The following TMTC3 variants were observed in gnomAD, a reference collection of about 807,000 sequenced individuals.
TMTC3 encodes protein O-mannosyl-transferase TMTC3.
In TMTC3, 52 loss-of-function variants were observed where a neutral mutation model predicts 92.2. That is an observed-to-expected ratio of 0.56 (90% confidence interval 0.45 to 0.71). The LOEUF is 0.71. Ranked by LOEUF, TMTC3 falls within the 30% of genes least tolerant of loss-of-function variation. The pLI is 0.00. For synonymous variants in TMTC3, 339 were observed against 363.3 expected (o/e 0.93, Z 0.76); for missense variants, 896 against 1,057.1 (o/e 0.85, Z 2.11).
chr12:88,164,589 C>T (rs2041122044), intron 6 of TMTC3, among the ~76,000 whole-genome samples: 1 of 152,130 alleles, frequency 6.6e-6, no homozygotes, highest in African/African-American at 2.4e-5. Context: ...TTTAAGTCTG[C>T]ATATCATATT....
rs1471024855 is a variant in TMTC3 at position 88,198,388 on chromosome 12, G to C, written c.*2739G>C. The C allele has an allele frequency of 5.0e-6, 2 of 397,956 alleles. No individual in the cohort carries two copies. Among genetic ancestry groups the C allele is most frequent in the African/African-American group, 4.1e-5 (2 of 48,582 alleles). 24.7% of individuals were successfully genotyped at this position (397,956 alleles called of 1,614,324 possible). On this transcript the variant is annotated 3_prime_UTR_variant, in exon 14 of 14. Transcript: ENST00000266712. ...TTCTCACTGTCTCAAAAGAGAATCAGCTCTCCAGCAGTTCTAGAAAAGCTT... is the reference window on the plus strand; with the variant it reads ...TTCTCACTGTCTCAAAAGAGAATCACCTCTCCAGCAGTTCTAGAAAAGCTT...
intron 4 of TMTC3, among the ~76,000 whole-genome samples, chr12:88,156,554 C>G (rs1183473417): frequency 6.6e-6 from 1 of 152,174 alleles, no homozygotes; most frequent in Non-Finnish European, 1.5e-5. Context: ...TAAAAAATAT[C>G]TACCTCTTAC....
Position 88,199,271 on chromosome 12 carries a change from A to AACTT in TMTC3, c.*3624_*3627dup, listed in dbSNP as rs1321020319. 2.6e-5 allele frequency: 4 copies of AACTT among 152,030 alleles called. No individual in the cohort carries two copies. The highest frequency in any genetic ancestry group is 4.8e-5 in the African/African-American group (2 of 41,420). The allele number at this position is 152,030 out of a possible 1,614,324, so 9.4% of individuals were successfully genotyped here. A position where few individuals can be genotyped will look rare whatever the true frequency, so the allele number is the denominator to read the frequency against. ...ATGTGCCTGGTATTGCCTCTGGCAT[A>AACTT]ACTTAGAGGAAATTGTTCTACCTAT... On this transcript the variant is annotated 3_prime_UTR_variant, in exon 14 of 14. Transcript: ENST00000266712.
chr12:88,167,700 A>G (rs2041161373), intron 7 of TMTC3, among the ~76,000 whole-genome samples: 2 of 152,224 alleles, frequency 1.3e-5, no homozygotes, highest in African/African-American at 4.8e-5. Context: ...GATACAGAGT[A>G]GATTTAAAGA....
chr12:88,194,398 G>A (rs1355335031), intron 13 of TMTC3, among the ~76,000 whole-genome samples: 4 of 151,994 alleles, frequency 2.6e-5, no homozygotes, highest in African/African-American at 7.2e-5. Flanking sequence ...ACATTTTTTC[G>A]ATATACAACA....
chr12:88,176,408 G>C, intron 10 of TMTC3, 89 bp downstream of exon 10: 2 of 916,978 alleles, frequency 2.2e-6, no homozygotes, highest in Non-Finnish European at 3.3e-6. Flanking sequence ...TTATTTACTA[G>C]CTTTATTCTG....
At chr12:88,155,470 C>T (rs1405367634) in intron 4 of TMTC3, among the ~76,000 whole-genome samples, 1 of 152,154 alleles carries the variant, frequency 6.6e-6, no homozygotes, top group Non-Finnish European at 1.5e-5. Flanking sequence ...ATCAGGCTCT[C>T]AATTACCTGT....
In TMTC3 at chr12:88,176,357, T is replaced by C. The variant is rs769345822; in HGVS notation, c.1432+38T>C. The C allele has an allele frequency of 5.6e-6, 8 of 1,441,056 alleles. No homozygotes were observed. The East Asian group carries it at 2.0e-4, about 35-fold the overall frequency. 89.3% of individuals were successfully genotyped at this position (1,441,056 alleles called of 1,614,324 possible). ...AACTAATAAAATCATGAATTTTATT[T>C]TTTAAAAAGTTTTGATTATCCTTGG... On this transcript the variant is annotated intron_variant, in intron 10 of 13. Transcript: ENST00000266712.
chr12:88,174,569 G>A (rs1423613708), intron 8 of TMTC3, 38 bp from the exon 9 acceptor site: 2 of 1,586,274 alleles, frequency 1.3e-6, no homozygotes, highest in Non-Finnish European at 1.7e-6. Context: ...TGGTGATGAA[G>A]ACAATTTTTT....
intron 4 of TMTC3, 114 bp from the exon 5 acceptor site, chr12:88,160,000 A>G: frequency 1.6e-6 from 1 of 607,198 alleles, no homozygotes; most frequent in Non-Finnish European, 2.8e-6. Context: ...ATGTACTACT[A>G]ATTAATGAGA....
In TMTC3 at chr12:88,172,560, T is replaced by C; in HGVS notation, c.1051-37T>C. ...AATTTATTATAAATTATTTTAAATT[T>C]ATTATAAATTATTAAATCTTCTTTT... On this transcript the variant is annotated intron_variant, in intron 7 of 13. Transcript: ENST00000266712. 4 of 1,154,068 alleles carry C rather than the reference T, an allele frequency of 3.5e-6. 1 individual carries two copies. In the South Asian group the frequency reaches 1.3e-4, roughly 37 times the overall value. 71.5% of individuals were successfully genotyped at this position (1,154,068 alleles called of 1,614,324 possible). A position where few individuals can be genotyped will look rare whatever the true frequency, so the allele number is the denominator to read the frequency against.
intron 10 of TMTC3, 68 bp from the exon 11 acceptor site, chr12:88,188,775 C>T (rs1347437243): frequency 2.7e-6 from 2 of 727,826 alleles, no homozygotes; most frequent in Non-Finnish European, 4.5e-6. Context: ...TACATTTAAT[C>T]ATTTCATTGA....
chr12:88,174,534 T>A, intron 8 of TMTC3, 73 bp from the exon 9 acceptor site: 2 of 1,505,090 alleles, frequency 1.3e-6, no homozygotes. Flanking sequence ...ACTTCTTACC[T>A]CTGTTCTAAA....
intron 6 of TMTC3, among the ~76,000 whole-genome samples, chr12:88,165,384 AG>A (rs1280759495): frequency 4.6e-5 from 7 of 152,122 alleles, no homozygotes; most frequent in Admixed American, 4.6e-4. Flanking sequence ...TGAGAATTCA[AG>A]TTCAGACTCA....
chr12:88,154,213 A>T (rs1490654952), intron 3 of TMTC3, 75 bp from the exon 4 acceptor site: 1 of 1,056,206 alleles, frequency 9.5e-7, no homozygotes, highest in Non-Finnish European at 1.4e-6. Context: ...AAATTAAAGT[A>T]TTTTTACCAT....
rs1257613889 is a variant in TMTC3 at position 88,176,276 on chromosome 12, G to T, written c.1389G>T (p.Glu463Asp). The T allele has an allele frequency of 3.1e-6, 5 of 1,612,214 alleles. No homozygotes were observed. The highest frequency in any genetic ancestry group is 4.2e-6 in the Non-Finnish European group (5 of 1,179,124). Residue 463 changes from glutamate to aspartate, a missense_variant, in exon 10 of 14, where the codon GAG (glutamate) becomes GAT (aspartate). Transcript: ENST00000266712. ...GHALENEKNFERALKYFLQAT... is the reference protein window; with the variant it reads ...GHALENEKNFDRALKYFLQAT... The stretch of plus-strand genomic sequence containing the variant: ...CTCTGGAAAATGAAAAGAACTTTGA[G>T]AGAGCTTTGAAATACTTCTTACAGG...
chr12:88,162,985 G>C (rs914683814), intron 6 of TMTC3, among the ~76,000 whole-genome samples: 1 of 150,240 alleles, frequency 6.7e-6, no homozygotes, highest in Admixed American at 6.6e-5. Flanking sequence ...GCGCAATCTC[G>C]GCTCACCGCA....
intron 9 of TMTC3, 73 bp from the exon 10 acceptor site, chr12:88,176,135 C>T: frequency 1.0e-6 from 1 of 993,988 alleles, no homozygotes; most frequent in Non-Finnish European, 1.5e-6. Context: ...AATAGTATAC[C>T]AAACAAATAT....
intron 12 of TMTC3, 34 bp from the exon 13 acceptor site, chr12:88,192,570 T>C (rs760732658): frequency 6.6e-7 from 1 of 1,517,196 alleles, no homozygotes; most frequent in African/African-American, 1.4e-5. Flanking sequence ...GATGGTAATG[T>C]TGTAAGTAAA....
Sources: allele counts gnomAD v4.1 joint callset (sites outside exome capture counted in the v4.1 genomes callset), GRCh38; gene constraint gnomAD v4.1.1; transcripts MANE v1.5; gene names NCBI Gene and HGNC (gene_info 2026-07-23, HGNC 2026-07-21).